The following MORC1 variants were observed in gnomAD, a reference collection of about 807,000 sequenced individuals.
MORC1 encodes MORC family CW-type zinc finger 1.
A neutral mutation model predicts 134.9 loss-of-function variants in MORC1; 59 were observed. The observed-to-expected ratio is 0.44, with a 90% CI of 0.35 to 0.54. MORC1 has a LOEUF of 0.54. Ranked by LOEUF, MORC1 falls within the 20% of genes least tolerant of loss-of-function variation. The pLI, the probability that MORC1 is intolerant of heterozygous loss-of-function variation, is 0.00. For synonymous variants in MORC1, 395 were observed against 391.7 expected, an observed-to-expected ratio of 1.01 and a Z score of -0.10; for missense variants, 947 against 1,134.5, an observed-to-expected ratio of 0.83 and a Z score of 2.37.
intron 26 of MORC1, among the ~76,000 whole-genome samples, chr3:108,963,853 G>T (rs888594091): frequency 2.0e-5 from 3 of 152,240 alleles, no homozygotes; most frequent in Non-Finnish European, 4.4e-5. Context: ...AGAGACACAT[G>T]ACAGTGAGCT....
chr3:108,979,629 G>C lies in MORC1; in HGVS notation c.2363C>G (p.Ser788Cys). 6.2e-7 allele frequency: 1 copy of C among 1,614,146 alleles called. No individual in the cohort carries two copies. The highest frequency in any genetic ancestry group is 1.1e-5 in the South Asian group (1 of 91,076). ...NVPMEDVNLS[S>C]GHIARVSVSG... is the part of the protein sequence containing the mutation. The stretch of plus-strand genomic sequence containing the variant: ...CACAGAAACTCTGGCTATGTGTCCA[G>C]AACTTAGATTCACATCTTCCATCGG... Residue 788 changes from serine to cysteine, a missense_variant, in exon 24 of 28, where the codon TCT becomes TGT. Physicochemically the swap from Ser to Cys is moderately radical, Grantham distance 112 (BLOSUM62 -1). Transcript: ENST00000232603.
chr3:108,985,595 G>T (rs1947874794), intron 22 of MORC1, among the ~76,000 whole-genome samples: 1 of 152,182 alleles, frequency 6.6e-6, no homozygotes, highest in Non-Finnish European at 1.5e-5. Flanking sequence ...TTCCAACCAT[G>T]CTGTAGGCAC....
intron 17 of MORC1, among the ~76,000 whole-genome samples, chr3:109,012,432 G>C (rs1039837326): frequency 1.3e-5 from 2 of 151,986 alleles, no homozygotes; most frequent in African/African-American, 2.4e-5. Context: ...TTCTTTGCAT[G>C]CCATATAAAT....
intron 3 of MORC1, among the ~76,000 whole-genome samples, chr3:109,104,866 A>AACAC (rs5851642): frequency 0.041 from 6,134 of 149,200 alleles, 273 homozygotes; most frequent in African/African-American, 0.11. Context: ...GACAAATTTT[A>AACAC]ACACACACAC....
At chr3:109,033,286 GAGGAAGGA>G (rs55742240) in intron 15 of MORC1, among the ~76,000 whole-genome samples, 8,926 of 136,926 alleles carry the variant, frequency 0.065, 357 homozygotes, top group Middle Eastern at 0.14. Context: ...AGCAAGAAAG[GAGGAAGGA>G]AGGAAGGAAG....
chr3:109,087,248 A>G (rs1314636227), intron 8 of MORC1, among the ~76,000 whole-genome samples: 1 of 152,030 alleles, frequency 6.6e-6, no homozygotes, highest in Non-Finnish European at 1.5e-5. Context: ...AGAGAAAGAA[A>G]TAAAAGGCAT....
intron 17 of MORC1, among the ~76,000 whole-genome samples, chr3:109,013,061 T>C (rs1239208941): frequency 2.0e-5 from 3 of 152,172 alleles, no homozygotes; most frequent in East Asian, 3.9e-4. Flanking sequence ...CCTTTATCAG[T>C]TGAGAGAGTT....
Position 108,958,936 on chromosome 3 carries a change from A to T in MORC1, c.*29T>A. ...AGAATCTTCCAATTTTCTTATTAGC[A>T]TTTTTTAAAAGGTAATACCATCTCT... On this transcript the variant is annotated 3_prime_UTR_variant, in exon 28 of 28. Transcript: ENST00000232603. 7.2e-7 allele frequency: 1 copy of T among 1,397,082 alleles called. No homozygotes were observed. The highest frequency in any genetic ancestry group is 2.7e-5 in the East Asian group (1 of 36,556). The allele number at this position is 1,397,082 out of a possible 1,614,324, so 86.5% of individuals were successfully genotyped here.
chr3:109,008,140 G>A (rs1196484208), intron 17 of MORC1, among the ~76,000 whole-genome samples: 5 of 152,026 alleles, frequency 3.3e-5, no homozygotes, highest in Non-Finnish European at 7.4e-5. Context: ...ATATTCCAGT[G>A]TATTGTTGTA....
intron 8 of MORC1, among the ~76,000 whole-genome samples, chr3:109,081,143 T>C (rs1437086561): frequency 2.0e-5 from 3 of 152,152 alleles, no homozygotes; most frequent in African/African-American, 7.2e-5. Flanking sequence ...AAGGAAAGCA[T>C]TTTTGAGCTG....
rs1169073808 is a variant in MORC1 at position 109,062,053 on chromosome 3, A to G, written c.901T>C (p.Ser301Pro). Reference protein sequence around the residue: ...KAEEAVKIAESILKEAQIKVN... With the variant: ...KAEEAVKIAEPILKEAQIKVN... ...TTGATTTGTGCTTCTTTCAATATGG[A>G]TTCAGCTGGAAGTAGAAGCCAAATA... is the stretch of plus-strand genomic sequence containing the variant. The change falls in exon 11 of 28, where the codon TCC (serine) becomes CCC (proline). Residue 301 changes from serine to proline, a missense_variant. Transcript: ENST00000232603. The G allele has an allele frequency of 6.2e-7, 1 of 1,613,980 alleles. No individual in the cohort carries two copies. Among genetic ancestry groups the G allele is most frequent in the Non-Finnish European group, 8.5e-7 (1 of 1,179,918 alleles).
chr3:108,981,238 A>G (rs868299343), intron 23 of MORC1, among the ~76,000 whole-genome samples: 29 of 152,332 alleles, frequency 1.9e-4, no homozygotes, highest in African/African-American at 6.5e-4. Flanking sequence ...GCTGATGTCC[A>G]TAAATTAAGA....
chr3:108,966,899 G>A (rs1342806629), intron 26 of MORC1, among the ~76,000 whole-genome samples: 1 of 152,118 alleles, frequency 6.6e-6, no homozygotes, highest in Non-Finnish European at 1.5e-5. Flanking sequence ...AAAGATAATG[G>A]TTTGAGTCAG....
rs1012347676 is a variant in MORC1, at chr3:109,032,639, G to C, written c.1565+81C>G. The C allele has an allele frequency of 3.1e-6, 3 of 957,100 alleles. No individual in the cohort carries two copies. The Admixed American group carries it at 8.0e-5, about 25-fold the overall frequency. 59.3% of individuals were successfully genotyped at this position (957,100 alleles called of 1,614,324 possible). On this transcript the variant is annotated intron_variant, in intron 16 of 27. Coordinates refer to ENST00000232603, the MANE Select transcript of MORC1 (RefSeq NM_014429.4). ...ATACTAAGCTAAAATCTATATTATAGATTGACATTTTCAAGGTTCATACAT... is the reference window on the plus strand; with the variant it reads ...ATACTAAGCTAAAATCTATATTATACATTGACATTTTCAAGGTTCATACAT...
Position 109,087,840 on chromosome 3 carries a change from C to A in MORC1, c.689+5596G>T, listed in dbSNP as rs551942926. On this transcript the variant is annotated intron_variant, in intron 8 of 27. Transcript: ENST00000232603. Reference sequence around the variant, plus strand: ...GACTTCAAATTATACTAAAGGGGTACAGTAACCAAAACAGCATGGTACTGG... The same window carrying A: ...GACTTCAAATTATACTAAAGGGGTAAAGTAACCAAAACAGCATGGTACTGG... 8.6e-4 allele frequency among the ~76,000 whole-genome samples: 131 copies of A among 152,162 alleles called. 2 individuals are homozygous for A. In the Middle Eastern group the frequency reaches 0.014, roughly 16 times the overall value.
intron 14 of MORC1, among the ~76,000 whole-genome samples, chr3:109,039,984 T>G (rs1949471023): frequency 6.6e-6 from 1 of 151,934 alleles, no homozygotes. Context: ...GAGAGGAAAT[T>G]AGGAAGTCAC....
At chr3:109,060,516 T>C (rs1193621413) in intron 11 of MORC1, among the ~76,000 whole-genome samples, 1 of 151,934 alleles carries the variant, frequency 6.6e-6, no homozygotes, top group Non-Finnish European at 1.5e-5. Flanking sequence ...AATAGCCTCT[T>C]AACATGCTTC....
At chr3:109,006,374 C>T (rs1948540910) in intron 18 of MORC1, among the ~76,000 whole-genome samples, 1 of 152,114 alleles carries the variant, frequency 6.6e-6, no homozygotes, top group Admixed American at 6.5e-5. Context: ...AAGAAGATAG[C>T]ATGGAAACAA....
intron 27 of MORC1, among the ~76,000 whole-genome samples, chr3:108,962,363 G>C (rs1947102993): frequency 6.6e-6 from 1 of 151,880 alleles, no homozygotes; most frequent in South Asian, 2.1e-4. Context: ...TTTTGAAGTG[G>C]GAAGGGACTC....
Sources: gnomAD v4.1 joint callset for allele counts (sites outside exome capture counted in the v4.1 genomes callset) on GRCh38, gnomAD v4.1.1 for gene constraint, MANE v1.5 for transcripts, NCBI Gene and HGNC (gene_info 2026-07-23, HGNC 2026-07-21) for gene names.